DPYSL2: variants seen among roughly 807,000 people sequenced by gnomAD.
DPYSL2 encodes dihydropyrimidinase-related protein 2.
Under a neutral mutation model 69.9 loss-of-function variants are expected in DPYSL2, and 13 were observed. That is an observed-to-expected ratio of 0.19 (90% CI 0.12 to 0.30). DPYSL2 has a LOEUF of 0.30. Among genes scored for constraint, DPYSL2 ranks in the 10% least tolerant of loss-of-function variants. DPYSL2 has a pLI of 1.00. For synonymous variants in DPYSL2, 326 were observed against 359.1 expected, an observed-to-expected ratio of 0.91 and a Z score of 1.04; for missense variants, 587 against 918.9, an observed-to-expected ratio of 0.64 and a Z score of 4.67.
At position 26,653,932 on chromosome 8, in the gene DPYSL2, C is replaced by T. The variant is rs939721583; in HGVS notation, c.1942+535C>T. Among the ~76,000 whole-genome samples, 1 of 152,192 alleles carries T rather than the reference C, an allele frequency of 6.6e-6. No individual in the cohort carries two copies. Reference sequence around the variant, plus strand: ...AATCTTGAGATCAGTTTGTGTCACACAATGCCCATACTGTGTTTTACCTAA... The same window carrying T: ...AATCTTGAGATCAGTTTGTGTCACATAATGCCCATACTGTGTTTTACCTAA... On this transcript the variant is annotated intron_variant, in intron 13 of 13. Coordinates refer to ENST00000521913, the MANE Select transcript of DPYSL2 (RefSeq NM_001197293.3). This position sits in a 1 kb window ranked among gnomAD's most constrained non-coding sequence, Gnocchi z 5.7.
chr8:26,634,892 G>A lies in DPYSL2; in HGVS notation c.1118G>A (p.Arg373Gln). 2.5e-6 allele frequency: 4 copies of A among 1,614,202 alleles called. No homozygotes were observed. Among genetic ancestry groups the A allele is most frequent in the Non-Finnish European group, 2.5e-6 (3 of 1,180,038 alleles). ...KSSAEVIAQARKKGTVVYGEP... is the reference protein window; with the variant it reads ...KSSAEVIAQAQKKGTVVYGEP... The stretch of plus-strand genomic sequence containing the variant: ...TCTGCTGAGGTCATCGCCCAGGCAC[G>A]GAAGAAGGGTGAGTGCTGTGGCCGG... The change falls in exon 8 of 14, where the codon CGG becomes CAG. Residue 373 changes from arginine to glutamine, a missense_variant. By Grantham distance (43) the Arg-to-Gln change is conservative. Transcript: ENST00000521913.
Position 26,640,999 on chromosome 8 carries a change from C to G in DPYSL2, c.1127-2440C>G, listed in dbSNP as rs1316929021. On this transcript the variant is annotated intron_variant, in intron 8 of 13. Transcript: ENST00000521913. The surrounding 1 kb of genome is among the most constrained non-coding windows in gnomAD (Gnocchi z 4.2). ...CACAGAGAGAAGGGGAATCCAGCTC[C>G]TCATAGAGCAGCTCCCCACCCCAAG... Among the ~76,000 whole-genome samples, 1 of 152,182 alleles carries G rather than the reference C, an allele frequency of 6.6e-6. No individual in the cohort carries two copies. The highest frequency in any genetic ancestry group is 1.5e-5 in the Non-Finnish European group (1 of 68,040).
At chr8:26,625,287 G>T (rs1245433515) in intron 4 of DPYSL2, among the ~76,000 whole-genome samples, 1 of 152,164 alleles carries the variant, frequency 6.6e-6, no homozygotes, top group Non-Finnish European at 1.5e-5. Flanking sequence ...CCAGCACAAA[G>T]CTTCCACATA....
chr8:26,554,610 G>A (rs895535795), intron 1 of DPYSL2, among the ~76,000 whole-genome samples: 4 of 152,040 alleles, frequency 2.6e-5, no homozygotes, highest in Non-Finnish European at 5.9e-5. Flanking sequence ...GTCCAGAATG[G>A]TGTTGTATAG....
intron 3 of DPYSL2, among the ~76,000 whole-genome samples, chr8:26,603,007 G>A (rs59146352): frequency 0.026 from 4,015 of 152,262 alleles, 166 homozygotes; most frequent in African/African-American, 0.09. Context: ...CCAAGAGAGA[G>A]ATGTGTGCAG....
Position 26,652,564 on chromosome 8 carries a change from C to A in DPYSL2, c.1776+128C>A, listed in dbSNP as rs761981013. On this transcript the variant is annotated intron_variant, in intron 12 of 13. Transcript: ENST00000521913. This position sits in a 1 kb window ranked among gnomAD's most constrained non-coding sequence, Gnocchi z 6.3. ...AGTGGATTCCAGGGATAAGAGGGAG[C>A]CTGAATTTTTTATTCCTGGCATTTA... 98 of 1,051,158 alleles carry A rather than the reference C, an allele frequency of 9.3e-5. No individual in the cohort carries two copies. Among genetic ancestry groups the A allele is most frequent in the Non-Finnish European group, 1.3e-4 (95 of 746,418 alleles). 65.1% of individuals were successfully genotyped at this position (1,051,158 alleles called of 1,614,324 possible).
rs909802883 is a variant in DPYSL2, at chr8:26,626,836, T to C, written c.855+158T>C. Among the ~76,000 whole-genome samples the C allele has an allele frequency of 3.3e-5, 5 of 151,678 alleles. No individual in the cohort carries two copies. Among genetic ancestry groups the C allele is most frequent in the Non-Finnish European group, 7.4e-5 (5 of 67,948 alleles). ...GATGTAACTGAGCCTTGGAAGAGAG[T>C]ATGAACGCAGTGCCCTGGCCCCCAG... On this transcript the variant is annotated intron_variant, in intron 5 of 13. Coordinates refer to ENST00000521913, the MANE Select transcript of DPYSL2 (RefSeq NM_001197293.3). The surrounding 1 kb of genome is among the most constrained non-coding windows in gnomAD (Gnocchi z 4.3).
chr8:26,548,919 T>A (rs988994914), intron 1 of DPYSL2, among the ~76,000 whole-genome samples: 5 of 151,936 alleles, frequency 3.3e-5, no homozygotes, highest in African/African-American at 1.2e-4. Context: ...CCGGGCGCAG[T>A]GGCTCACGCC....
chr8:26,639,489 CCAGGATG>C (rs1802993000), intron 8 of DPYSL2, among the ~76,000 whole-genome samples: 4 of 152,242 alleles, frequency 2.6e-5, no homozygotes, highest in African/African-American at 9.6e-5. Context: ...TCAGCCACTG[CCAGGATG>C]AGATCCTACT....
chr8:26,603,065 A>T lies in DPYSL2; in HGVS notation c.628+19082A>T, dbSNP rs145704339. Among the ~76,000 whole-genome samples the T allele has an allele frequency of 4.3e-3, 659 of 152,284 alleles. 1 individual carries two copies. Among genetic ancestry groups the T allele is most frequent in the Non-Finnish European group, 7.1e-3 (485 of 68,016 alleles). On this transcript the variant is annotated intron_variant, in intron 3 of 13. Coordinates refer to ENST00000521913, the MANE Select transcript of DPYSL2 (RefSeq NM_001197293.3). ...GTGTATTTTAGAATTTAGACTCCGG[A>T]TTTGACCATAGGATGTTTGAGTTCT... is the stretch of plus-strand genomic sequence containing the variant.
chr8:26,567,485 T>G (rs993172490), intron 1 of DPYSL2, among the ~76,000 whole-genome samples: 1 of 152,214 alleles, frequency 6.6e-6, no homozygotes, highest in South Asian at 2.1e-4. Context: ...CGGTGGGTGA[T>G]GAGGAGAGAG....
rs1209721409 is a variant in DPYSL2 at position 26,514,606 on chromosome 8, C to G, written c.281C>G (p.Ser94Cys). The change falls in exon 1 of 14, where the codon TCT (serine) becomes TGT (cysteine). Residue 94 changes from serine (S) to cysteine (C), a missense_variant. Physicochemically the swap from Ser to Cys is moderately radical, Grantham distance 112. This residue lies in a region of DPYSL2 where 85 missense variants were observed against 77.7 expected (regional missense o/e 1.09). Coordinates refer to ENST00000521913, the MANE Select transcript of DPYSL2 (RefSeq NM_001197293.3). The surrounding 1 kb of genome is among the most constrained non-coding windows in gnomAD (Gnocchi z 8.4). ...GGCCGGCGCGCCGGCGGAGAGCCATCTGTTGAATCGGGCCGGAAGGTGGAG... is the reference window on the plus strand; with the variant it reads ...GGCCGGCGCGCCGGCGGAGAGCCATGTGTTGAATCGGGCCGGAAGGTGGAG... ...RQGRRAGGEP[S>C]VESGRKVEIR... 3.3e-6 allele frequency: 5 copies of G among 1,495,946 alleles called. No individual in the cohort carries two copies. Among genetic ancestry groups the G allele is most frequent in the Non-Finnish European group, 4.4e-6 (5 of 1,128,750 alleles). The allele number at this position is 1,495,946 out of a possible 1,614,324, so 92.7% of individuals were successfully genotyped here. A position where few individuals can be genotyped will look rare whatever the true frequency, so the allele number is the denominator to read the frequency against.
rs1803397827 is a variant in DPYSL2 at position 26,656,592 on chromosome 8, T to C, written c.*886T>C. Reference sequence around the variant, plus strand: ...GGTGTTTTCCTCCCTTGCCCCATTATCTTTTCACCTCCCAGGTCTACCATT... The same window carrying C: ...GGTGTTTTCCTCCCTTGCCCCATTACCTTTTCACCTCCCAGGTCTACCATT... On this transcript the variant is annotated 3_prime_UTR_variant, in exon 14 of 14. Transcript: ENST00000521913. 1 of 152,794 alleles carries C rather than the reference T, an allele frequency of 6.5e-6. No homozygotes were observed. Among genetic ancestry groups the C allele is most frequent in the African/African-American group, 2.4e-5 (1 of 41,578 alleles). 9.5% of individuals were successfully genotyped at this position (152,794 alleles called of 1,614,324 possible).
Position 26,564,026 on chromosome 8 carries a change from GAAGAGTCATAAAAGCGTGAA to G in DPYSL2, c.355-17937_355-17918del, listed in dbSNP as rs1315053128. Among the ~76,000 whole-genome samples the G allele has an allele frequency of 6.6e-6, 1 of 152,040 alleles. No homozygotes were observed. The highest frequency in any genetic ancestry group is 1.5e-5 in the Non-Finnish European group (1 of 68,004). ...GAGGAACTCAATGAATGTTTAGAAA[GAAGAGTCATAAAAGCGTGAA>G]AAGAGCCAGAAAAAAAGGCATCACA... On this transcript the variant is annotated intron_variant, in intron 1 of 13. Coordinates refer to ENST00000521913, the MANE Select transcript of DPYSL2 (RefSeq NM_001197293.3). This position sits in a 1 kb window ranked among gnomAD's most constrained non-coding sequence, Gnocchi z 4.8.
intron 1 of DPYSL2, among the ~76,000 whole-genome samples, chr8:26,522,722 AATTCTTTATGT>A (rs1808408704): frequency 6.6e-6 from 1 of 152,086 alleles, no homozygotes; most frequent in Non-Finnish European, 1.5e-5. Context: ...AAATTGTATG[AATTCTTTATGT>A]ATTCTAGATA....
chr8:26,558,137 A>T (rs1208259295), intron 1 of DPYSL2, among the ~76,000 whole-genome samples: 1 of 152,178 alleles, frequency 6.6e-6, no homozygotes, highest in Non-Finnish European at 1.5e-5. Flanking sequence ...AAAAATCTCT[A>T]CAGAAATGTT....
intron 3 of DPYSL2, among the ~76,000 whole-genome samples, chr8:26,616,887 C>T (rs1017736010): frequency 3.9e-5 from 6 of 152,004 alleles, no homozygotes; most frequent in Admixed American, 1.3e-4. Flanking sequence ...TTCTATTCCA[C>T]GTGTGTAATC....
intron 1 of DPYSL2, among the ~76,000 whole-genome samples, chr8:26,530,697 T>A (rs968262280): frequency 5.3e-5 from 8 of 152,246 alleles, no homozygotes; most frequent in Admixed American, 5.2e-4. Flanking sequence ...AACTTCATTC[T>A]TGAGATTTCC....
At chr8:26,556,081 GTATATACTATATAAATTATATATAGTATA>G (rs1226428954) in intron 1 of DPYSL2, among the ~76,000 whole-genome samples, 115 of 59,896 alleles carry the variant, frequency 1.9e-3, no homozygotes, top group Non-Finnish European at 2.7e-3. Context: ...ACTATATATA[GTATATACTATATAAATTATATATAGTATA>G]TATATACTAT....
Sources: allele counts gnomAD v4.1 joint callset (sites outside exome capture counted in the v4.1 genomes callset), GRCh38; gene constraint gnomAD v4.1.1; regional missense constraint gnomAD v4.1.1; non-coding constraint Gnocchi (gnomAD v3.1); transcripts MANE v1.5; gene names NCBI Gene and HGNC (gene_info 2026-07-23, HGNC 2026-07-21).